Variants in ATP9B observed in about 807,000 individuals in gnomAD.
ATP9B encodes the protein probable phospholipid-transporting ATPase IIB.
Under a neutral mutation model 146.1 loss-of-function variants are expected in ATP9B, and 110 were observed. That is an observed-to-expected ratio of 0.75 (90% CI 0.65 to 0.88). The LOEUF is 0.88. ATP9B is among the 40% of genes least tolerant of loss of function. ATP9B has a pLI of 0.00. For missense variants in ATP9B, 1,499 were observed against 1,496.4 expected (o/e 1.00, Z -0.03); for synonymous variants, 604 against 569.7 (o/e 1.06, Z -0.86).
intron 23 of ATP9B, among the ~76,000 whole-genome samples, chr18:79,346,281 TCAG>T (rs1359849763): frequency 2.9e-5 from 4 of 138,376 alleles, no homozygotes; most frequent in Admixed American, 2.2e-4. Context: ...TTAGTGCACA[TCAG>T]CACATGCTCA....
chr18:79,284,152 G>C (rs1232700821), intron 13 of ATP9B, among the ~76,000 whole-genome samples: 2 of 152,218 alleles, frequency 1.3e-5, no homozygotes, highest in African/African-American at 4.8e-5. Context: ...GGGCAGGCAA[G>C]CATGACGTGT....
intron 6 of ATP9B, among the ~76,000 whole-genome samples, chr18:79,151,985 A>G (rs2094697695): frequency 6.6e-6 from 1 of 152,212 alleles, no homozygotes. Flanking sequence ...TTTACAAGAA[A>G]TAAAACAACC....
intron 26 of ATP9B, chr18:79,360,328 T>TG (rs973535945): frequency 2.0e-5 from 3 of 152,208 alleles, no homozygotes; most frequent in Non-Finnish European, 4.4e-5. Context: ...TCAACTCAGA[T>TG]TTTTAAAGCA....
intron 26 of ATP9B, among the ~76,000 whole-genome samples, chr18:79,366,761 C>T (rs2097032050): frequency 1.3e-5 from 2 of 152,216 alleles, no homozygotes; most frequent in Admixed American, 6.5e-5. Context: ...TGCCGTCCCC[C>T]ACCACGCAGA....
chr18:79,197,049 G>C (rs978720591), intron 9 of ATP9B, among the ~76,000 whole-genome samples: 1 of 152,108 alleles, frequency 6.6e-6, no homozygotes, highest in Non-Finnish European at 1.5e-5. Flanking sequence ...AGCATATATA[G>C]GGTGTCACCA....
At position 79,206,990 on chromosome 18, in the gene ATP9B, G is replaced by T; in HGVS notation, c.1008G>T (p.Trp336Cys). 6.2e-7 allele frequency: 1 copy of T among 1,614,038 alleles called. No individual in the cohort carries two copies. The highest frequency in any genetic ancestry group is 1.7e-5 in the Admixed American group (1 of 60,022). The change falls in exon 10 of 30, where the codon TGG becomes TGT. Residue 336 changes from tryptophan (W) to cysteine (C), a missense_variant. By Grantham distance (215) the Trp-to-Cys change is radical (BLOSUM62 -2). Transcript: ENST00000426216. ...HESLSIENTL[W>C]ASTIVASGTV... ...GTCTCAGCATAGAAAATACATTGTG[G>T]GCAAGCACCATTGTTGCATCAGGTA...
At chr18:79,319,077 A>G (rs184250523) in intron 15 of ATP9B, among the ~76,000 whole-genome samples, 15 of 152,278 alleles carry the variant, frequency 9.9e-5, no homozygotes, top group African/African-American at 1.7e-4. Flanking sequence ...CACCCATTTC[A>G]TTCACACCTG....
At chr18:79,259,804 G>A (rs142397521) in intron 12 of ATP9B, among the ~76,000 whole-genome samples, 30 of 152,280 alleles carry the variant, frequency 2.0e-4, no homozygotes, top group African/African-American at 7.2e-4. Context: ...AGCTTTATCA[G>A]GTTACTTTTC....
intron 1 of ATP9B, among the ~76,000 whole-genome samples, chr18:79,071,051 T>TTTTTCTTTTC (rs777112273): frequency 6.9e-6 from 1 of 145,516 alleles, no homozygotes; most frequent in Non-Finnish European, 1.5e-5. Flanking sequence ...TCCTGTTTCT[T>TTTTTCTTTTC]TTTTTTTTTT....
chr18:79,341,202 C>T (rs893008424), intron 19 of ATP9B, among the ~76,000 whole-genome samples: 10 of 150,298 alleles, frequency 6.7e-5, no homozygotes, highest in African/African-American at 2.2e-4. Flanking sequence ...ATGTGTGTAG[C>T]GTGACCTTGT....
At chr18:79,122,698 T>G (rs1486452614) in intron 4 of ATP9B, among the ~76,000 whole-genome samples, 1 of 152,198 alleles carries the variant, frequency 6.6e-6, no homozygotes, top group Non-Finnish European at 1.5e-5. Flanking sequence ...AGAACTTTTT[T>G]GGGGATATCT....
chr18:79,312,926 GATTTCAGAAAAGCTCC>G (rs1202450912), intron 15 of ATP9B, among the ~76,000 whole-genome samples: 25 of 152,314 alleles, frequency 1.6e-4, no homozygotes, highest in African/African-American at 6.0e-4. Flanking sequence ...TGAAGTATTA[GATTTCAGAAAAGCTCC>G]AGAATACAAT....
intron 11 of ATP9B, among the ~76,000 whole-genome samples, chr18:79,238,193 G>A (rs1444493593): frequency 6.6e-6 from 1 of 150,854 alleles, no homozygotes; most frequent in African/African-American, 2.4e-5. Flanking sequence ...CTAATCAGAT[G>A]TTGAGTACTG....
intron 10 of ATP9B, among the ~76,000 whole-genome samples, chr18:79,213,617 T>C (rs947543104): frequency 6.6e-6 from 1 of 152,136 alleles, no homozygotes; most frequent in African/African-American, 2.4e-5. Flanking sequence ...GTTAAGGATA[T>C]AGCCTCTTAA....
At chr18:79,278,471 G>C (rs1179243829) in intron 13 of ATP9B, among the ~76,000 whole-genome samples, 6 of 152,220 alleles carry the variant, frequency 3.9e-5, no homozygotes, top group Non-Finnish European at 5.9e-5. Context: ...TTCTGACACA[G>C]TTAAGGTAGA....
chr18:79,272,832 G>T (rs984465721), intron 12 of ATP9B, among the ~76,000 whole-genome samples: 2 of 152,222 alleles, frequency 1.3e-5, no homozygotes, highest in Admixed American at 1.3e-4. Flanking sequence ...TACAGATGCT[G>T]TTCCCGAGGC....
intron 8 of ATP9B, among the ~76,000 whole-genome samples, chr18:79,180,247 T>C (rs953935492): frequency 6.6e-6 from 1 of 152,220 alleles, no homozygotes; most frequent in Non-Finnish European, 1.5e-5. Flanking sequence ...TAATCGTTAA[T>C]GTGGTTGAGC....
intron 2 of ATP9B, among the ~76,000 whole-genome samples, chr18:79,099,837 A>T (rs1215149949): frequency 6.6e-6 from 1 of 152,024 alleles, no homozygotes; most frequent in African/African-American, 2.4e-5. Flanking sequence ...TTATAATTTT[A>T]AAAAATGGGC....
chr18:79,347,623 T>C, intron 23 of ATP9B, 147 bp from the exon 24 acceptor site: 1 of 942,742 alleles, frequency 1.1e-6, no homozygotes, highest in East Asian at 2.8e-5. Context: ...ATAGGACCTG[T>C]CCCCATCGAC....
Sources: allele counts gnomAD v4.1 joint callset (sites outside exome capture counted in the v4.1 genomes callset), GRCh38; gene constraint gnomAD v4.1.1; transcripts MANE v1.5; gene names NCBI Gene and HGNC (gene_info 2026-07-23, HGNC 2026-07-21).